Variants in D2HGDH observed in about 807,000 individuals in gnomAD.
The protein encoded by D2HGDH is D-2-hydroxyglutarate dehydrogenase.
In D2HGDH, 31 loss-of-function variants were observed where a neutral mutation model predicts 46.9. That is an observed-to-expected ratio of 0.66 (90% CI 0.50 to 0.89). The LOEUF (loss-of-function observed/expected upper bound fraction) is 0.89. Ranked by LOEUF, D2HGDH falls within the 40% of genes least tolerant of loss-of-function variation. The probability of loss-of-function intolerance (pLI) is 0.00; values close to 1 mark genes in which losing one functional copy is unlikely to be tolerated. For synonymous variants in D2HGDH, 364 were observed against 332.6 expected (o/e 1.09, Z -1.03); for missense variants, 698 against 720.8 (o/e 0.97, Z 0.36).
chr2:241,755,993 G>C lies in D2HGDH; in HGVS notation c.1285G>C (p.Val429Leu), dbSNP rs769624048. Residue 429 changes from valine to leucine, a missense_variant, in exon 9 of 10, where the codon GTG (valine) becomes CTG (leucine). Coordinates refer to ENST00000321264, the MANE Select transcript of D2HGDH (RefSeq NM_152783.5). ...CCGCCTCGGCCCGCACGCCAAGCAC[G>C]TGGTGGGCTATGGCCACCTTGGTGA... is the stretch of plus-strand genomic sequence containing the variant. ...RARLGPHAKHVVGYGHLGDGN... is the reference protein window; with the variant it reads ...RARLGPHAKHLVGYGHLGDGN... The C allele has an allele frequency of 1.7e-5, 28 of 1,602,494 alleles. No homozygotes were observed. Among genetic ancestry groups the C allele is most frequent in the Non-Finnish European group, 2.3e-5 (27 of 1,171,776 alleles).
intron 2 of D2HGDH, among the ~76,000 whole-genome samples, chr2:241,739,242 G>A (rs915157890): frequency 5.9e-5 from 9 of 152,192 alleles, no homozygotes; most frequent in Non-Finnish European, 1.0e-4. Flanking sequence ...TCTGGAACGC[G>A]GCCTGGCCTG....
intron 9 of D2HGDH, 117 bp downstream of exon 9, chr2:241,756,131 A>G (rs1025383853): frequency 1.4e-6 from 2 of 1,395,176 alleles, no homozygotes; most frequent in African/African-American, 1.4e-5. Flanking sequence ...GGCTTAGCAT[A>G]TCTCCCGTAG....
rs777521241 is a variant in D2HGDH, at chr2:241,743,601, C to T, written c.491-21C>T. 5 of 1,609,148 alleles carry T rather than the reference C, an allele frequency of 3.1e-6. No homozygotes were observed. The Admixed American group carries it at 8.4e-5, about 27-fold the overall frequency. On this transcript the variant is annotated intron_variant, in intron 4 of 9. Coordinates refer to ENST00000321264, the MANE Select transcript of D2HGDH (RefSeq NM_152783.5). This position sits in a 1 kb window ranked among gnomAD's most constrained non-coding sequence, Gnocchi z 4.8. ...GCCCACTGGAAGCCAAGTGCTGCGGCAGCCTGGTCACTCTCTGCAGGAATT... is the reference window on the plus strand; with the variant it reads ...GCCCACTGGAAGCCAAGTGCTGCGGTAGCCTGGTCACTCTCTGCAGGAATT...
intron 6 of D2HGDH, chr2:241,749,118 C>T (rs1696632006): frequency 2.2e-6 from 2 of 915,144 alleles, no homozygotes; most frequent in African/African-American, 1.8e-5. Flanking sequence ...TCCGACGAGG[C>T]ACTCTTGTCC....
At chr2:241,757,397 G>A (rs896809277) in intron 9 of D2HGDH, among the ~76,000 whole-genome samples, 2 of 129,406 alleles carry the variant, frequency 1.5e-5, no homozygotes. Flanking sequence ...TTCAGAATAT[G>A]GGAAGGGGGT....
At position 241,742,728 on chromosome 2, in the gene D2HGDH, G is replaced by A. The variant is rs1408889287; in HGVS notation, c.490+154G>A. Among the ~76,000 whole-genome samples the A allele has an allele frequency of 3.3e-5, 5 of 152,198 alleles. No homozygotes were observed. The highest frequency in any genetic ancestry group is 4.8e-5 in the African/African-American group (2 of 41,444). ...CCAGCGTCTGTAGCCTGGCCGCCTA[G>A]CCCCACCTCGCCCGGCCCCTCCAGA... On this transcript the variant is annotated intron_variant, in intron 4 of 9. Coordinates refer to ENST00000321264, the MANE Select transcript of D2HGDH (RefSeq NM_152783.5). This position sits in a 1 kb window ranked among gnomAD's most constrained non-coding sequence, Gnocchi z 4.8.
In D2HGDH at chr2:241,760,674, G is replaced by T. The variant is rs187571101; in HGVS notation, c.1306+4660G>T. Among the ~76,000 whole-genome samples the T allele has an allele frequency of 2.7e-3, 418 of 152,206 alleles. 1 individual carries two copies. Among genetic ancestry groups the T allele is most frequent in the African/African-American group, 9.6e-3 (399 of 41,528 alleles). The stretch of plus-strand genomic sequence containing the variant: ...GGTGGGCCTTACCCAATCAGTCGAA[G>T]GACTTCGACACAGCGTGGGTGGGCC... On this transcript the variant is annotated intron_variant, in intron 9 of 9. Transcript: ENST00000321264.
Position 241,735,167 on chromosome 2 carries a change from G to C in D2HGDH, c.-58G>C, listed in dbSNP as rs1428729447. ...CAGCGGCTCCCTGCCCTTCCCCTCCGGGCCCTGAGTACCGGCCCCCCACCA... is the reference window on the plus strand; with the variant it reads ...CAGCGGCTCCCTGCCCTTCCCCTCCCGGCCCTGAGTACCGGCCCCCCACCA... On this transcript the variant is annotated 5_prime_UTR_variant, in exon 2 of 10. Transcript: ENST00000321264. The C allele has an allele frequency of 2.1e-6, 3 of 1,441,348 alleles. No individual in the cohort carries two copies. Among genetic ancestry groups the C allele is most frequent in the Admixed American group, 2.9e-5 (1 of 34,700 alleles). 89.3% of individuals were successfully genotyped at this position (1,441,348 alleles called of 1,614,324 possible).
intron 9 of D2HGDH, among the ~76,000 whole-genome samples, chr2:241,765,046 G>A (rs1472479518): frequency 1.3e-5 from 2 of 152,234 alleles, no homozygotes; most frequent in African/African-American, 2.4e-5. Flanking sequence ...TGGGAGCCAG[G>A]ACTTTGTCTG....
At chr2:241,758,586 A>G (rs1698414227) in intron 9 of D2HGDH, among the ~76,000 whole-genome samples, 1 of 151,876 alleles carries the variant, frequency 6.6e-6, no homozygotes, top group East Asian at 1.9e-4. Flanking sequence ...GCCACCTCAC[A>G]CACACCAGCA....
rs1261401554 is a variant in D2HGDH at position 241,767,978 on chromosome 2, C to G, written c.*9C>G. 6.3e-7 allele frequency: 1 copy of G among 1,580,890 alleles called. No homozygotes were observed. The highest frequency in any genetic ancestry group is 2.3e-5 in the East Asian group (1 of 43,624). ...TGCCCAGCCAGGCCTGACGGCCACT[C>G]CTGCTGCTGCCAAGGCCCACTGGGG... is the stretch of plus-strand genomic sequence containing the variant. On this transcript the variant is annotated 3_prime_UTR_variant, in exon 10 of 10. Transcript: ENST00000321264.
Position 241,750,383 on chromosome 2 carries a change from C to T in D2HGDH, c.997+89C>T, listed in dbSNP as rs566564994. 2.8e-3 allele frequency: 741 copies of T among 268,696 alleles called. 1 individual carries two copies. The highest frequency in any genetic ancestry group is 4.1e-3 in the Non-Finnish European group (702 of 173,224). The allele number at this position is 268,696 out of a possible 1,614,324, so 16.6% of individuals were successfully genotyped here. On this transcript the variant is annotated intron_variant, in intron 7 of 9. Coordinates refer to ENST00000321264, the MANE Select transcript of D2HGDH (RefSeq NM_152783.5). ...GGACGGCTCAGAGACCCCGGGTGGGCGGGGGGTGCCCGGGCGGGCGGGTGG... is the reference window on the plus strand; with the variant it reads ...GGACGGCTCAGAGACCCCGGGTGGGTGGGGGGTGCCCGGGCGGGCGGGTGG...
At chr2:241,757,304 G>A (rs1407671535) in intron 9 of D2HGDH, among the ~76,000 whole-genome samples, 1 of 152,176 alleles carries the variant, frequency 6.6e-6, no homozygotes, top group Non-Finnish European at 1.5e-5. Flanking sequence ...GTGATAGGAA[G>A]GCAGGACTCC....
chr2:241,736,598 G>C (rs1252814811), intron 2 of D2HGDH, among the ~76,000 whole-genome samples: 1 of 151,992 alleles, frequency 6.6e-6, no homozygotes, highest in Non-Finnish European at 1.5e-5. Flanking sequence ...ATTGGATTGA[G>C]GGCCCACCCT....
intron 9 of D2HGDH, among the ~76,000 whole-genome samples, chr2:241,761,036 G>A (rs1698757903): frequency 1.3e-5 from 2 of 152,220 alleles, no homozygotes; most frequent in Admixed American, 6.5e-5. Flanking sequence ...GCTGCACAGT[G>A]CGAGGACTTC....
At chr2:241,734,915 C>A in intron 1 of D2HGDH, 1 of 340,860 alleles carries the variant, frequency 2.9e-6, no homozygotes, top group Non-Finnish European at 5.3e-6. Context: ...GGGTCCTGGG[C>A]AAGGTCCCGG....
chr2:241,735,466 A>T lies in D2HGDH; in HGVS notation c.242A>T (p.Asp81Val), dbSNP rs1559336615. 2.5e-6 allele frequency: 4 copies of T among 1,609,382 alleles called. No homozygotes were observed. The highest frequency in any genetic ancestry group is 2.2e-5 in the East Asian group (1 of 44,852). ...ATCGTGCCCGGCGGGGTCGTCACGG[A>T]CCCGGAAGCGCTGCAGGCTCCCAAC... ...ERIVPGGVVTDPEALQAPNVD... is the reference protein window; with the variant it reads ...ERIVPGGVVTVPEALQAPNVD... The change falls in exon 2 of 10, where the codon GAC (aspartate) becomes GTC (valine). Residue 81 changes from aspartate to valine, a missense_variant. Coordinates refer to ENST00000321264, the MANE Select transcript of D2HGDH (RefSeq NM_152783.5).
At chr2:241,764,576 C>T (rs926410153) in intron 9 of D2HGDH, among the ~76,000 whole-genome samples, 2 of 152,238 alleles carry the variant, frequency 1.3e-5, no homozygotes, top group Admixed American at 6.5e-5. Flanking sequence ...CGACCTTTGT[C>T]GGTTCTGGTG....
intron 9 of D2HGDH, among the ~76,000 whole-genome samples, chr2:241,756,881 G>A (rs1266801694): frequency 2.6e-5 from 4 of 152,166 alleles, no homozygotes. Context: ...AGCTTATAGG[G>A]CAGGGGTGGG....
Sources: gnomAD v4.1 joint callset for allele counts (sites outside exome capture counted in the v4.1 genomes callset) on GRCh38, gnomAD v4.1.1 for gene constraint, Gnocchi (gnomAD v3.1) non-coding constraint, MANE v1.5 for transcripts, NCBI Gene and HGNC (gene_info 2026-07-23, HGNC 2026-07-21) for gene names.